The following CARMIL2 variants were observed in gnomAD, a reference collection of about 807,000 sequenced individuals.
CARMIL2 encodes the protein capping protein regulator and myosin 1 linker 2.
A neutral mutation model predicts 173.3 loss-of-function variants in CARMIL2; 96 were observed. That is an observed-to-expected ratio of 0.55 (90% confidence interval 0.47 to 0.66). CARMIL2 has a LOEUF of 0.66. Ranked by LOEUF, CARMIL2 falls within the 30% of genes least tolerant of loss-of-function variation. The pLI, the probability that CARMIL2 is intolerant of heterozygous loss-of-function variation, is 0.00. For synonymous variants in CARMIL2, 830 were observed against 817.1 expected (o/e 1.02, Z -0.27); for missense variants, 1,771 against 1,906.7 (o/e 0.93, Z 1.33).
In CARMIL2 at chr16:67,649,946, T is replaced by C; in HGVS notation, c.2060T>C (p.Leu687Pro). ...VAQAQRSRPELTARAVHQIQA... is the reference protein window; with the variant it reads ...VAQAQRSRPEPTARAVHQIQA... ...CAGGCGCAGCGCAGCCGCCCGGAAC[T>C]GACAGCACGTGCAGTCCATCAGGTG... The change falls in exon 21 of 38, where the codon CTG (leucine) becomes CCG (proline). Residue 687 changes from leucine to proline, a missense_variant. Leu to Pro is a moderately conservative substitution (Grantham distance 98). Around this residue, in one of 3 missense-constraint regions of CARMIL2, gnomAD observed 944 missense variants for 975.6 expected, o/e 0.97. Transcript: ENST00000334583. The surrounding 1 kb of genome is among the most constrained non-coding windows in gnomAD (Gnocchi z 6.7). The C allele has an allele frequency of 6.2e-7, 1 of 1,613,322 alleles. No individual in the cohort carries two copies. The highest frequency in any genetic ancestry group is 1.1e-5 in the South Asian group (1 of 91,074).
intron 3 of CARMIL2, 30 bp downstream of exon 3, chr16:67,645,807 C>A (rs756063200): frequency 6.2e-7 from 1 of 1,608,794 alleles, no homozygotes; most frequent in East Asian, 2.2e-5. Context: ...CACACCCCCG[C>A]CCGCCAGCAG....
rs1421996446 is a variant in CARMIL2, at chr16:67,649,858, G to A, written c.1972G>A (p.Ala658Thr). The change falls in exon 21 of 38, where the codon GCG becomes ACG. Residue 658 changes from alanine (A) to threonine (T), a missense_variant. Physicochemically the swap from Ala to Thr is moderately conservative, Grantham distance 58. Transcript: ENST00000334583. This position sits in a 1 kb window ranked among gnomAD's most constrained non-coding sequence, Gnocchi z 6.7. ...ATCTGCTTTGGGTCTGCTGGACGTG[G>A]CGCAGGCGCTGGAGCAGAACCACAG... ...HTSALGLLDV[A>T]QALEQNHSLK... 6.2e-7 allele frequency: 1 copy of A among 1,612,812 alleles called. No individual in the cohort carries two copies. The highest frequency in any genetic ancestry group is 8.5e-7 in the Non-Finnish European group (1 of 1,179,772).
intron 3 of CARMIL2, 32 bp downstream of exon 3, chr16:67,645,809 C>A (rs201782546): frequency 4.2e-5 from 68 of 1,608,372 alleles, no homozygotes; most frequent in Non-Finnish European, 5.1e-6. Flanking sequence ...CACCCCCGCC[C>A]GCCAGCAGCT....
Position 67,647,163 on chromosome 16 carries a change from G to C in CARMIL2, c.659G>C (p.Arg220Pro), listed in dbSNP as rs568724376. ...GCCCTGTCCTACAACCTGTGGTTCC[G>C]GTGCCTCTCCTGTGTGGACATGAAG... ...VAALSYNLWF[R>P]CLSCVDMKLS... The change falls in exon 9 of 38, where the codon CGG (arginine) becomes CCG (proline). Residue 220 changes from arginine (R) to proline (P), a missense_variant. Around this residue, in one of 3 missense-constraint regions of CARMIL2, gnomAD observed 944 missense variants for 975.6 expected, o/e 0.97. Coordinates refer to ENST00000334583, the MANE Select transcript of CARMIL2 (RefSeq NM_001013838.3). 4 of 1,613,828 alleles carry C rather than the reference G, an allele frequency of 2.5e-6. No individual in the cohort carries two copies. Among genetic ancestry groups the C allele is most frequent in the Non-Finnish European group, 3.4e-6 (4 of 1,179,878 alleles).
Position 67,652,944 on chromosome 16 carries a change from C to A in CARMIL2, c.2885-75C>A, listed in dbSNP as rs1355893511. On this transcript the variant is annotated intron_variant, in intron 28 of 37. Transcript: ENST00000334583. This position sits in a 1 kb window ranked among gnomAD's most constrained non-coding sequence, Gnocchi z 4.7. ...CCCCTCCCCGCGCCCTGGGCGGGTC[C>A]CCCGCCGCCCTAGCGCCTCCGCCGC... 6 of 677,662 alleles carry A rather than the reference C, an allele frequency of 8.9e-6. No individual in the cohort carries two copies. The highest frequency in any genetic ancestry group is 6.2e-4 in the Middle Eastern group (1 of 1,626). 42.0% of individuals were successfully genotyped at this position (677,662 alleles called of 1,614,324 possible). A position where few individuals can be genotyped will look rare whatever the true frequency, so the allele number is the denominator to read the frequency against.
rs1478716070 is a variant in CARMIL2 at position 67,647,105 on chromosome 16, C to T, written c.612-11C>T. The T allele has an allele frequency of 1.9e-6, 3 of 1,613,660 alleles. No homozygotes were observed. In the East Asian group the frequency reaches 6.7e-5, roughly 36 times the overall value. ...CCCTGAGCTCTGCCTCTGTTCCCAC[C>T]CTCCCACCAGGGACCTGGCCTTGAG... On this transcript the variant is annotated splice_polypyrimidine_tract_variant and intron_variant, in intron 8 of 37. Transcript: ENST00000334583.
rs779084356 is a variant in CARMIL2 at position 67,651,267 on chromosome 16, T to G, written c.2265T>G (p.Ala755=). ...GCGAGPQGEA[A]VRQAEDAIQN... is the part of the protein sequence containing the mutation. ...GGGCTGGGCCCCAGGGTGAAGCCGC[T>G]GTGCGCCAGGCCGAGGATGCCATCC... is the stretch of plus-strand genomic sequence containing the variant. The change falls in exon 23 of 38, where the codon GCT becomes GCG. Residue 755 remains alanine (A), a synonymous_variant. Coordinates refer to ENST00000334583, the MANE Select transcript of CARMIL2 (RefSeq NM_001013838.3). This position sits in a 1 kb window ranked among gnomAD's most constrained non-coding sequence, Gnocchi z 4.2. 1 of 1,613,570 alleles carries G rather than the reference T, an allele frequency of 6.2e-7. No homozygotes were observed. Among genetic ancestry groups the G allele is most frequent in the East Asian group, 2.2e-5 (1 of 44,878 alleles).
In CARMIL2 at chr16:67,648,444, G is replaced by T. The variant is rs1299741424; in HGVS notation, c.1381G>T (p.Ala461Ser). ...PAALQLFLSRARTLRHLGLAG... is the reference protein window; with the variant it reads ...PAALQLFLSRSRTLRHLGLAG... Reference sequence around the variant, plus strand: ...CGCGCTGCAGCTCTTCCTCAGCCGCGCGCGGACGCTGCGGCACCTGGGCCT... The same window carrying T: ...CGCGCTGCAGCTCTTCCTCAGCCGCTCGCGGACGCTGCGGCACCTGGGCCT... Residue 461 changes from alanine (A) to serine (S), a missense_variant, in exon 15 of 38, where the codon GCG becomes TCG. Around this residue, in one of 3 missense-constraint regions of CARMIL2, gnomAD observed 944 missense variants for 975.6 expected, o/e 0.97. Transcript: ENST00000334583. This position sits in a 1 kb window ranked among gnomAD's most constrained non-coding sequence, Gnocchi z 6.1. 3.4e-6 allele frequency: 5 copies of T among 1,474,470 alleles called. No individual in the cohort carries two copies. In the South Asian group the frequency reaches 4.0e-5, roughly 12 times the overall value. The allele number at this position is 1,474,470 out of a possible 1,614,324, so 91.3% of individuals were successfully genotyped here. A position where few individuals can be genotyped will look rare whatever the true frequency, so the allele number is the denominator to read the frequency against.
In CARMIL2 at chr16:67,649,835, C is replaced by G. The variant is rs755893425; in HGVS notation, c.1949C>G (p.Ser650Cys). Residue 650 changes from serine to cysteine, a missense_variant, in exon 21 of 38, where the codon TCT (serine) becomes TGT (cysteine). This residue lies in a region of CARMIL2 where 944 missense variants were observed against 975.6 expected (regional missense o/e 0.97). Coordinates refer to ENST00000334583, the MANE Select transcript of CARMIL2 (RefSeq NM_001013838.3). This position sits in a 1 kb window ranked among gnomAD's most constrained non-coding sequence, Gnocchi z 6.7. ...RSVVWDRNHT[S>C]ALGLLDVAQA... ...GTGGTCTGGGACCGGAACCACACAT[C>G]TGCTTTGGGTCTGCTGGACGTGGCG... 1 of 1,612,496 alleles carries G rather than the reference C, an allele frequency of 6.2e-7. No individual in the cohort carries two copies. The highest frequency in any genetic ancestry group is 1.3e-5 in the African/African-American group (1 of 74,930).
rs965416579 is a variant in CARMIL2 at position 67,649,205 on chromosome 16, A to G, written c.1688+33A>G. On this transcript the variant is annotated intron_variant, in intron 18 of 37. Coordinates refer to ENST00000334583, the MANE Select transcript of CARMIL2 (RefSeq NM_001013838.3). The surrounding 1 kb of genome is among the most constrained non-coding windows in gnomAD (Gnocchi z 6.7). ...CCCACCCTACTCCTGGGCCTCCCAG[A>G]CAACACCCCACCACCCCTGTCCCCC... The G allele has an allele frequency of 3.1e-6, 5 of 1,612,826 alleles. No homozygotes were observed.
In CARMIL2 at chr16:67,656,531, C is replaced by G. The variant is rs779330130; in HGVS notation, c.3922C>G (p.Gln1308Glu). 1 of 1,613,542 alleles carries G rather than the reference C, an allele frequency of 6.2e-7. No individual in the cohort carries two copies. The highest frequency in any genetic ancestry group is 1.1e-5 in the South Asian group (1 of 91,068). ...GCTCAGGAGCCGTGGTTGGGGCCAA[C>G]AGGATGGTCCAGGCCCTCCCTCCCC... ...AELRSRGWGQ[Q>E]DGPGPPSPGQ... Residue 1308 changes from glutamine to glutamate, a missense_variant, in exon 35 of 38, where the codon CAG (glutamine) becomes GAG (glutamate). Gln to Glu is a conservative substitution (Grantham distance 29, BLOSUM62 2). Coordinates refer to ENST00000334583, the MANE Select transcript of CARMIL2 (RefSeq NM_001013838.3).
In CARMIL2 at chr16:67,648,569, C is replaced by A; in HGVS notation, c.1439+67C>A. 1 of 1,471,978 alleles carries A rather than the reference C, an allele frequency of 6.8e-7. No homozygotes were observed. Among genetic ancestry groups the A allele is most frequent in the Non-Finnish European group, 9.2e-7 (1 of 1,084,626 alleles). 91.2% of individuals were successfully genotyped at this position (1,471,978 alleles called of 1,614,324 possible). ...CCCTGCCCTGGCCTTCGCCCCTCCC[C>A]GCTCCTGCTTCTGTCGCTCCCACAA... On this transcript the variant is annotated intron_variant, in intron 15 of 37. Coordinates refer to ENST00000334583, the MANE Select transcript of CARMIL2 (RefSeq NM_001013838.3). The surrounding 1 kb of genome is among the most constrained non-coding windows in gnomAD (Gnocchi z 6.1).
intron 3 of CARMIL2, 70 bp downstream of exon 3, chr16:67,645,847 G>C: frequency 6.3e-7 from 1 of 1,592,032 alleles, no homozygotes; most frequent in South Asian, 1.1e-5. Context: ...CATCTGCAGA[G>C]TGGTCCTTCT....
chr16:67,652,303 T>C lies in CARMIL2; in HGVS notation c.2781T>C (p.Leu927=). ...TTGAGCCTGGGGAATTGGAAGGTCT[T>C]TTCTTCCCCGAGGAGAAGGAAGAGG... The part of the protein sequence containing the change: ...SLLEPGELEG[L]FFPEEKEEEK... The change falls in exon 27 of 38, where the codon CTT becomes CTC. Residue 927 remains leucine (L), a synonymous_variant. Transcript: ENST00000334583. This position sits in a 1 kb window ranked among gnomAD's most constrained non-coding sequence, Gnocchi z 4.7. 6.2e-7 allele frequency: 1 copy of C among 1,613,226 alleles called. No individual in the cohort carries two copies.
In CARMIL2 at chr16:67,647,934, G is replaced by T; in HGVS notation, c.1047G>T (p.Ala349=). The T allele has an allele frequency of 6.2e-7, 1 of 1,609,894 alleles. No individual in the cohort carries two copies. Among genetic ancestry groups the T allele is most frequent in the Middle Eastern group, 1.7e-4 (1 of 6,028 alleles). Residue 349 remains alanine (A), a synonymous_variant, in exon 13 of 38, where the codon GCG becomes GCT. Transcript: ENST00000334583. ...THLDLSGNPG[A]LGASEDSGGL... is the part of the protein sequence containing the mutation. ...TGGACCTTTCTGGGAATCCTGGGGC[G>T]CTGGGGGCCTCCGAGGACAGTGGGG...
intron 29 of CARMIL2, 66 bp from the exon 30 acceptor site, chr16:67,654,083 G>GGT (rs1290065033): frequency 3.8e-5 from 20 of 529,110 alleles, no homozygotes; most frequent in South Asian, 5.2e-5. Context: ...TGCCGGCCGG[G>GGT]GGGGGGGGGG....
chr16:67,645,961 G>A, intron 3 of CARMIL2, 57 bp from the exon 4 acceptor site: 1 of 1,606,690 alleles, frequency 6.2e-7, no homozygotes. Flanking sequence ...CAAAGGACTG[G>A]ACTTCCATGA....
Position 67,657,017 on chromosome 16 carries a change from A to C in CARMIL2, c.4117+136A>C. On this transcript the variant is annotated intron_variant, in intron 36 of 37. Transcript: ENST00000334583. The surrounding 1 kb of genome is among the most constrained non-coding windows in gnomAD (Gnocchi z 4.5). The stretch of plus-strand genomic sequence containing the variant: ...TCTCAAGAAATCAGGGAGCCAGAAG[A>C]CCAGGTGCAAGGGTTTGACAGCAAG... 1.2e-6 allele frequency: 1 copy of C among 803,696 alleles called. No individual in the cohort carries two copies. The highest frequency in any genetic ancestry group is 2.0e-6 in the Non-Finnish European group (1 of 510,670). The allele number at this position is 803,696 out of a possible 1,614,324, so 49.8% of individuals were successfully genotyped here.
At position 67,648,746 on chromosome 16, in the gene CARMIL2, G is replaced by C; in HGVS notation, c.1501G>C (p.Ala501Pro). ...HLRDLHLDLS[A>P]CELRSAGAQV... ...CCGCGACCTGCACCTGGACCTCAGC[G>C]CTTGCGAGGTGAGCGCCGGCCCCCA... Residue 501 changes from alanine (A) to proline (P), a missense_variant, in exon 16 of 38, where the codon GCT (alanine) becomes CCT (proline). Physicochemically the swap from Ala to Pro is conservative, Grantham distance 27 (BLOSUM62 -1). Coordinates refer to ENST00000334583, the MANE Select transcript of CARMIL2 (RefSeq NM_001013838.3). The surrounding 1 kb of genome is among the most constrained non-coding windows in gnomAD (Gnocchi z 6.1). 6.2e-7 allele frequency: 1 copy of C among 1,604,254 alleles called. No homozygotes were observed. The highest frequency in any genetic ancestry group is 8.5e-7 in the Non-Finnish European group (1 of 1,175,812).
Sources: gnomAD v4.1 joint callset for allele counts on GRCh38, gnomAD v4.1.1 for gene constraint, gnomAD v4.1.1 regional missense constraint, Gnocchi (gnomAD v3.1) non-coding constraint, MANE v1.5 for transcripts, NCBI Gene and HGNC (gene_info 2026-07-23, HGNC 2026-07-21) for gene names.